SND1: variants seen among roughly 807,000 people sequenced by gnomAD.
SND1 encodes staphylococcal nuclease and tudor domain containing 1, also known as staphylococcal nuclease domain-containing protein 1.
SND1 carries 38 observed loss-of-function variants against 121.7 expected under a neutral mutation model. The ratio of observed to expected loss-of-function variants is 0.31; its 90% confidence interval spans 0.24 to 0.41. SND1 has a LOEUF of 0.41. Among genes scored for constraint, SND1 ranks in the 10% least tolerant of loss-of-function variants. SND1 has a pLI of 1.00. For missense variants in SND1, 868 were observed against 1,184.6 expected (o/e 0.73, Z 3.92); for synonymous variants, 401 against 447.4 (o/e 0.90, Z 1.31).
intron 16 of SND1, among the ~76,000 whole-genome samples, chr7:128,026,239 G>C (rs765489200): frequency 5.3e-5 from 8 of 152,118 alleles, no homozygotes; most frequent in Non-Finnish European, 1.0e-4. Context: ...CTTTTTATTG[G>C]GGGTATGGTG....
At chr7:128,077,162 ACCTTGGCCCCTC>A (rs1793519603) in intron 17 of SND1, among the ~76,000 whole-genome samples, 1 of 152,186 alleles carries the variant, frequency 6.6e-6, no homozygotes, top group African/African-American at 2.4e-5. Context: ...GGCCTCCGCC[ACCTTGGCCCCTC>A]GCCAGCCCCA....
intron 12 of SND1, among the ~76,000 whole-genome samples, chr7:127,874,910 C>T (rs1189330003): frequency 6.6e-6 from 1 of 151,998 alleles, no homozygotes; most frequent in African/African-American, 2.4e-5. Context: ...TAAGGGCAAC[C>T]TAGATAATTC....
chr7:128,032,234 GGCGCCGCGCAGCCCC>G (rs961961741), intron 16 of SND1: 2 of 148,324 alleles, frequency 1.3e-5, no homozygotes, highest in African/African-American at 4.9e-5. Context: ...CGCGCCGGCC[GGCGCCGCGCAGCCCC>G]GCGCCTCCGG....
At chr7:127,813,647 C>T (rs1007249204) in intron 11 of SND1, among the ~76,000 whole-genome samples, 39 of 152,006 alleles carry the variant, frequency 2.6e-4, no homozygotes, top group African/African-American at 8.7e-4. Context: ...CTGCAACGTC[C>T]GCCTCCCAGG....
Position 127,871,241 on chromosome 7 carries a change from A to G in SND1, c.1344-16661A>G, listed in dbSNP as rs541830609. Among the ~76,000 whole-genome samples, 3 of 152,322 alleles carry G rather than the reference A, an allele frequency of 2.0e-5. No individual in the cohort carries two copies. In the East Asian group the frequency reaches 5.8e-4, roughly 29 times the overall value. On this transcript the variant is annotated intron_variant, in intron 12 of 23. Transcript: ENST00000354725. The stretch of plus-strand genomic sequence containing the variant: ...TTTACAGTTAATTTCTTTAAGTGGA[A>G]GGCATGCACTCTAAAATAACAATAA...
At chr7:127,841,669 C>A (rs972519445) in intron 11 of SND1, among the ~76,000 whole-genome samples, 1 of 151,878 alleles carries the variant, frequency 6.6e-6, no homozygotes, top group Non-Finnish European at 1.5e-5. Context: ...TGTCTGTGTG[C>A]AGCCCTCTCA....
chr7:128,084,181 T>C (rs1321498416), intron 18 of SND1, among the ~76,000 whole-genome samples: 1 of 152,222 alleles, frequency 6.6e-6, no homozygotes, highest in Non-Finnish European at 1.5e-5. Flanking sequence ...CCACCTTCCA[T>C]GGCTTCAATT....
At chr7:127,969,831 A>G (rs1157938612) in intron 15 of SND1, among the ~76,000 whole-genome samples, 1 of 152,220 alleles carries the variant, frequency 6.6e-6, no homozygotes, top group Non-Finnish European at 1.5e-5. Flanking sequence ...TGAATTTTAG[A>G]ATCACAGGAA....
intron 16 of SND1, among the ~76,000 whole-genome samples, chr7:128,025,343 C>T (rs1487761259): frequency 6.6e-6 from 1 of 152,190 alleles, no homozygotes; most frequent in Non-Finnish European, 1.5e-5. Context: ...GTCCCACCTC[C>T]TCCACTAGCA....
At chr7:127,784,299 C>T (rs567962140) in intron 10 of SND1, among the ~76,000 whole-genome samples, 10 of 152,290 alleles carry the variant, frequency 6.6e-5, no homozygotes, top group Admixed American at 2.0e-4. Context: ...ACGTCTCTGC[C>T]GGGCAAACAA....
intron 14 of SND1, among the ~76,000 whole-genome samples, chr7:127,926,081 A>G (rs577617311): frequency 5.9e-5 from 9 of 152,242 alleles, no homozygotes; most frequent in Non-Finnish European, 1.3e-4. Context: ...TCTAAAATAA[A>G]TAATTTCCAT....
intron 13 of SND1, among the ~76,000 whole-genome samples, chr7:127,896,615 AT>A (rs1800125175): frequency 6.6e-6 from 1 of 152,116 alleles, no homozygotes; most frequent in African/African-American, 2.4e-5. Context: ...TGGAAGATTG[AT>A]CATTTAATCT....
Position 128,074,876 on chromosome 7 carries a change from G to A in SND1, c.1968+186G>A, listed in dbSNP as rs538800229. 3.9e-5 allele frequency among the ~76,000 whole-genome samples: 6 copies of A among 152,308 alleles called. No homozygotes were observed. The South Asian group carries it at 8.3e-4, about 21-fold the overall frequency. ...AGAGGCTGCCAGCTGAGGTGTCCTC[G>A]GCCACAGCCTGTTGCAGACCTGAGG... On this transcript the variant is annotated intron_variant, in intron 17 of 23. Transcript: ENST00000354725.
At position 128,029,254 on chromosome 7, in the gene SND1, C is replaced by T; in HGVS notation, c.1779+38198C>T. 1 of 1,614,146 alleles carries T rather than the reference C, an allele frequency of 6.2e-7. No homozygotes were observed. Among genetic ancestry groups the T allele is most frequent in the Non-Finnish European group, 8.5e-7 (1 of 1,180,038 alleles). On this transcript the variant is annotated intron_variant, in intron 16 of 23. Coordinates refer to ENST00000354725, the MANE Select transcript of SND1 (RefSeq NM_014390.4). The surrounding 1 kb of genome is among the most constrained non-coding windows in gnomAD (Gnocchi z 4.2). The stretch of plus-strand genomic sequence containing the variant: ...CGCGTTGTGTCCTCAGGCGAGATCT[C>T]CGTGGTCTCCACTGTTACTGTGGTG...
At chr7:127,857,132 C>T (rs1485858096) in intron 12 of SND1, among the ~76,000 whole-genome samples, 1 of 145,948 alleles carries the variant, frequency 6.9e-6, no homozygotes, top group African/African-American at 2.5e-5. Flanking sequence ...AACTATGAAT[C>T]ATTAAGTTAA....
intron 16 of SND1, among the ~76,000 whole-genome samples, chr7:128,037,388 G>A (rs913697219): frequency 6.6e-6 from 1 of 152,162 alleles, no homozygotes; most frequent in African/African-American, 2.4e-5. Flanking sequence ...ATTGGATTTA[G>A]GGCCTACCTG....
intron 13 of SND1, among the ~76,000 whole-genome samples, chr7:127,890,510 G>C (rs1281400921): frequency 1.3e-5 from 2 of 152,104 alleles, no homozygotes; most frequent in South Asian, 4.1e-4. Context: ...AACAGGTTAT[G>C]CATTTCCAGA....
chr7:127,760,393 GTTGC>G (rs1303190255), intron 10 of SND1, among the ~76,000 whole-genome samples: 1 of 152,154 alleles, frequency 6.6e-6, no homozygotes, highest in African/African-American at 2.4e-5. Context: ...CTTTTCAGTT[GTTGC>G]TTGGTAAATG....
At chr7:127,696,501 A>G (rs1180709258) in intron 3 of SND1, among the ~76,000 whole-genome samples, 1 of 152,248 alleles carries the variant, frequency 6.6e-6, no homozygotes, top group Non-Finnish European at 1.5e-5. Context: ...AAAGAATGTA[A>G]GAGGAAAAGA....
Sources: allele counts gnomAD v4.1 joint callset (sites outside exome capture counted in the v4.1 genomes callset), GRCh38; gene constraint gnomAD v4.1.1; non-coding constraint Gnocchi (gnomAD v3.1); transcripts MANE v1.5; gene names NCBI Gene and HGNC (gene_info 2026-07-23, HGNC 2026-07-21).